ATXN2: variants seen among roughly 807,000 people sequenced by gnomAD.
ATXN2 encodes the protein ataxin-2.
A neutral mutation model predicts 138.6 loss-of-function variants in ATXN2; 37 were observed. The ratio of observed to expected loss-of-function variants is 0.27; its 90% CI spans 0.21 to 0.35. ATXN2 has a LOEUF of 0.35. Among genes scored for constraint, ATXN2 ranks in the 10% least tolerant of loss-of-function variants. The probability of loss-of-function intolerance (pLI) is 1.00; values close to 1 mark genes in which losing one functional copy is unlikely to be tolerated. For synonymous variants in ATXN2, 549 were observed against 543.7 expected (o/e 1.01, Z -0.13); for missense variants, 1,216 against 1,480.3 (o/e 0.82, Z 2.93).
At chr12:111,553,023 G>C (rs894405533) in intron 3 of ATXN2, 46 bp from the exon 4 acceptor site, 49 of 1,242,392 alleles carry the variant, frequency 3.9e-5, no homozygotes, top group Non-Finnish European at 5.1e-5. Flanking sequence ...ATACTACCCG[G>C]TCACCAGGGA....
chr12:111,591,521 T>G (rs762431451), intron 1 of ATXN2, among the ~76,000 whole-genome samples: 27 of 151,956 alleles, frequency 1.8e-4, no homozygotes, highest in Non-Finnish European at 3.5e-4. Flanking sequence ...AATTTAAATG[T>G]TAGCCAGCTG....
chr12:111,530,953 C>A (rs886735599), intron 5 of ATXN2, among the ~76,000 whole-genome samples: 1 of 151,486 alleles, frequency 6.6e-6, no homozygotes, highest in African/African-American at 2.4e-5. Flanking sequence ...TGGAGAAACC[C>A]CCATCTCTAC....
chr12:111,508,862 G>A (rs1879342066), intron 14 of ATXN2, among the ~76,000 whole-genome samples: 3 of 152,172 alleles, frequency 2.0e-5, no homozygotes, highest in African/African-American at 7.2e-5. Flanking sequence ...CAAGAATGAA[G>A]CTATTGTTAA....
intron 18 of ATXN2, among the ~76,000 whole-genome samples, chr12:111,480,318 G>A (rs1877137161): frequency 6.6e-6 from 1 of 152,160 alleles, no homozygotes; most frequent in South Asian, 2.1e-4. Context: ...AAGATAAATT[G>A]GATTCACATT....
chr12:111,523,100 GA>G (rs1880276677), intron 6 of ATXN2, among the ~76,000 whole-genome samples: 1 of 151,614 alleles, frequency 6.6e-6, no homozygotes, highest in South Asian at 2.1e-4. Context: ...CAAACATGGT[GA>G]AACCCCTTCT....
chr12:111,598,830 A>T lies in ATXN2; in HGVS notation c.205T>A (p.Ser69Thr). Residue 69 changes from serine to threonine, a missense_variant, in exon 1 of 25, where the codon TCG becomes ACG. By Grantham distance (58) the Ser-to-Thr change is moderately conservative. This residue lies in a region of ATXN2 where 110 missense variants were observed against 88.7 expected (regional missense o/e 1.24). Coordinates refer to ENST00000673436, the MANE Select transcript of ATXN2 (RefSeq NM_001372574.1). The surrounding 1 kb of genome is among the most constrained non-coding windows in gnomAD (Gnocchi z 4.5). ...VSSSSATAPS[S>T]VVAATSGGGR... Reference sequence around the variant, plus strand: ...CCGCCGGAGGTCGCCGCGACCACCGAGGAGGGAGCCGTGGCCGAGGACGAG... The same window carrying T: ...CCGCCGGAGGTCGCCGCGACCACCGTGGAGGGAGCCGTGGCCGAGGACGAG... 6.9e-7 allele frequency: 1 copy of T among 1,448,474 alleles called. No individual in the cohort carries two copies. 89.7% of individuals were successfully genotyped at this position (1,448,474 alleles called of 1,614,324 possible). A position where few individuals can be genotyped will look rare whatever the true frequency, so the allele number is the denominator to read the frequency against.
chr12:111,475,611 C>A (rs1876757164), intron 18 of ATXN2, among the ~76,000 whole-genome samples: 1 of 149,550 alleles, frequency 6.7e-6, no homozygotes, highest in South Asian at 2.1e-4. Context: ...CTGCCTCAGT[C>A]TCCCAAGTAG....
chr12:111,453,741 T>C lies in ATXN2; in HGVS notation c.3375A>G (p.Gln1125=), dbSNP rs376008535. The change falls in exon 24 of 25, where the codon CAA becomes CAG. Residue 1125 remains glutamine, a synonymous_variant. Coordinates refer to ENST00000673436, the MANE Select transcript of ATXN2 (RefSeq NM_001372574.1). This position sits in a 1 kb window ranked among gnomAD's most constrained non-coding sequence, Gnocchi z 5.4. ...PPGGPQAALA[Q]SALQPIPVST... ...AGACTGGAATGGGCTGTAGTGCACT[T>C]TGAGCGAGGGCGGCCTGGGGACCGC... is the stretch of plus-strand genomic sequence containing the variant. The C allele has an allele frequency of 6.2e-7, 1 of 1,614,008 alleles. No homozygotes were observed.
At chr12:111,522,228 TAA>T (rs35035921) in intron 6 of ATXN2, among the ~76,000 whole-genome samples, 211 of 108,104 alleles carry the variant, frequency 2.0e-3, no homozygotes, top group East Asian at 3.2e-3. Context: ...ATGCCCTACA[TAA>T]AAAAAAAAAA....
intron 5 of ATXN2, among the ~76,000 whole-genome samples, chr12:111,549,331 G>A (rs1013717136): frequency 6.6e-6 from 1 of 151,906 alleles, no homozygotes; most frequent in Non-Finnish European, 1.5e-5. Context: ...AAACCATGCG[G>A]CCTGGCCAAC....
chr12:111,555,410 A>G (rs1882335733), intron 2 of ATXN2, among the ~76,000 whole-genome samples: 1 of 152,188 alleles, frequency 6.6e-6, no homozygotes, highest in Non-Finnish European at 1.5e-5. Flanking sequence ...CCAGGTGGAG[A>G]TAACTGAATC....
chr12:111,511,899 T>C (rs1879548643), intron 11 of ATXN2: 2 of 152,212 alleles, frequency 1.3e-5, no homozygotes, highest in Non-Finnish European at 1.5e-5. Context: ...TGAGCAGAAA[T>C]GTATAGCAAC....
At chr12:111,539,375 A>G (rs1196028160) in intron 5 of ATXN2, among the ~76,000 whole-genome samples, 1 of 150,094 alleles carries the variant, frequency 6.7e-6, no homozygotes, top group Non-Finnish European at 1.5e-5. Context: ...AAAGAGAGAA[A>G]TAAGGAGAAA....
At chr12:111,569,607 C>T (rs945036691) in intron 1 of ATXN2, among the ~76,000 whole-genome samples, 1 of 152,036 alleles carries the variant, frequency 6.6e-6, no homozygotes, top group Non-Finnish European at 1.5e-5. Flanking sequence ...GTTCCAGTTA[C>T]TTGGGAGCTG....
At chr12:111,554,880 C>T (rs749324964) in intron 2 of ATXN2, among the ~76,000 whole-genome samples, 9 of 152,064 alleles carry the variant, frequency 5.9e-5, no homozygotes, top group Non-Finnish European at 1.2e-4. Flanking sequence ...ATAGAAGAAC[C>T]CTGACTAGGT....
upstream of ATXN2, chr12:111,599,559 G>C (rs1592947308): frequency 8.5e-7 from 1 of 1,171,510 alleles, no homozygotes; most frequent in Non-Finnish European, 1.1e-6. Context: ...CGGAGGTGCG[G>C]ATAGGGACTC....
chr12:111,525,093 T>C (rs1880406040), intron 6 of ATXN2, 99 bp downstream of exon 6: 5 of 1,445,402 alleles, frequency 3.5e-6, no homozygotes, highest in Non-Finnish European at 4.6e-6. Flanking sequence ...ATACACTCAC[T>C]ACAATAACAA....
At chr12:111,599,534 G>A (rs920482736), upstream of ATXN2, 9 of 1,204,006 alleles carry the variant, frequency 7.5e-6, no homozygotes, top group East Asian at 6.9e-5. Flanking sequence ...GGCGCGCCGA[G>A]GCGCCGGGTG....
chr12:111,466,063 G>C (rs1027776827), intron 20 of ATXN2, among the ~76,000 whole-genome samples: 3 of 151,920 alleles, frequency 2.0e-5, no homozygotes, highest in African/African-American at 7.2e-5. Context: ...CTACTCAGGA[G>C]GCTGAGGCAG....
Sources: gnomAD v4.1 joint callset for allele counts (sites outside exome capture counted in the v4.1 genomes callset) on GRCh38, gnomAD v4.1.1 for gene constraint, gnomAD v4.1.1 regional missense constraint, Gnocchi (gnomAD v3.1) non-coding constraint, MANE v1.5 for transcripts, NCBI Gene and HGNC (gene_info 2026-07-23, HGNC 2026-07-21) for gene names.